The following ZNF57 variants were observed in gnomAD, a reference collection of about 807,000 sequenced individuals.
The protein encoded by ZNF57 is zinc finger protein 424.
A neutral mutation model predicts 13.4 loss-of-function variants in ZNF57; 11 were observed. The observed-to-expected ratio is 0.82, with a 90% CI of 0.52 to 1.36. The LOEUF (loss-of-function observed/expected upper bound fraction) is 1.36, where lower values mean the gene tolerates loss of function less well. Ranked by LOEUF, ZNF57 falls within the 40% of genes most tolerant of loss-of-function variation. ZNF57 has a pLI of 0.00. For synonymous variants in ZNF57, 224 were observed against 238.5 expected (o/e 0.94, Z 0.56); for missense variants, 696 against 667.5 (o/e 1.04, Z -0.47).
chr19:2,916,972 T>C lies in ZNF57; in HGVS notation c.351T>C (p.Tyr117=), dbSNP rs370699730. 48 of 1,612,176 alleles carry C rather than the reference T, an allele frequency of 3.0e-5. No individual in the cohort carries two copies. Among genetic ancestry groups the C allele is most frequent in the Non-Finnish European group, 3.7e-5 (44 of 1,179,390 alleles). ...GTACACATAATGAAGGTAATCAATA[T>C]GGAGAAGCCATCCATCAAATGCCAG... ...RFCTHNEGNQ[Y]GEAIHQMPDL... Residue 117 remains tyrosine, a synonymous_variant, in exon 4 of 4, where the codon TAT becomes TAC. Coordinates refer to ENST00000306908, the MANE Select transcript of ZNF57 (RefSeq NM_173480.3).
rs1234364677 is a variant in ZNF57 at position 2,917,516 on chromosome 19, G to T, written c.895G>T (p.Glu299Ter). Residue 299 changes from glutamate to a stop codon, truncating the protein, a stop_gained, in exon 4 of 4, where the codon GAG becomes TAG. Coordinates refer to ENST00000306908, the MANE Select transcript of ZNF57 (RefSeq NM_173480.3). LOFTEE classifies it low-confidence loss of function (END_TRUNC). Reference protein sequence around the residue: ...FTYPQAFQRHEKTHTGEKPYE... With the variant: ...FTYPQAFQRH Reference sequence around the variant, plus strand: ...TTACCCCCAGGCTTTTCAAAGACATGAGAAGACGCACACGGGAGAGAAGCC... The same window carrying T: ...TTACCCCCAGGCTTTTCAAAGACATTAGAAGACGCACACGGGAGAGAAGCC... The T allele has an allele frequency of 6.2e-7, 1 of 1,613,702 alleles. No homozygotes were observed. Among genetic ancestry groups the T allele is most frequent in the Non-Finnish European group, 8.5e-7 (1 of 1,179,798 alleles).
intron 3 of ZNF57, chr19:2,916,624 G>A (rs1209504740): frequency 3.9e-6 from 1 of 253,728 alleles, no homozygotes; most frequent in Non-Finnish European, 7.5e-6. Context: ...GCGGAGGCAG[G>A]AGAATGCTGT....
chr19:2,916,582 G>C (rs1434237002), intron 3 of ZNF57: 1 of 242,296 alleles, frequency 4.1e-6, no homozygotes, highest in African/African-American at 2.3e-5. Flanking sequence ...CGAGCGTGGT[G>C]GCAGGCACCT....
At chr19:2,905,114 A>G (rs573577604) in intron 1 of ZNF57, among the ~76,000 whole-genome samples, 1 of 151,988 alleles carries the variant, frequency 6.6e-6, no homozygotes, top group Non-Finnish European at 1.5e-5. Context: ...ACAGCTTCCC[A>G]TCCTTTTGTG....
At chr19:2,905,288 C>T (rs973782434) in intron 1 of ZNF57, among the ~76,000 whole-genome samples, 9 of 151,560 alleles carry the variant, frequency 5.9e-5, no homozygotes, top group African/African-American at 2.2e-4. Context: ...CCTCAGCCTC[C>T]CGAGTAGCTG....
chr19:2,908,121 C>G (rs925427391), intron 1 of ZNF57, among the ~76,000 whole-genome samples: 2 of 152,178 alleles, frequency 1.3e-5, no homozygotes, highest in African/African-American at 4.8e-5. Flanking sequence ...AATTTTCCAA[C>G]TATTATGAAG....
intron 1 of ZNF57, among the ~76,000 whole-genome samples, chr19:2,901,957 T>C (rs946766490): frequency 4.0e-5 from 6 of 151,868 alleles, no homozygotes; most frequent in African/African-American, 1.5e-4. Flanking sequence ...GGGGGATGTA[T>C]TGTCACAAGG....
At chr19:2,904,599 T>C (rs1224318461) in intron 1 of ZNF57, among the ~76,000 whole-genome samples, 1 of 152,166 alleles carries the variant, frequency 6.6e-6, no homozygotes, top group African/African-American at 2.4e-5. Context: ...TGGAGTGCAG[T>C]GGCACCATCT....
In ZNF57 at chr19:2,918,264, C is replaced by A. The variant is rs202150672; in HGVS notation, c.1643C>A (p.Ser548Tyr). Residue 548 changes from serine (S) to tyrosine (Y), a missense_variant, in exon 4 of 4, where the codon TCT (serine) becomes TAT (tyrosine). Around this residue, in one of 3 missense-constraint regions of ZNF57, gnomAD observed 645 missense variants for 591.5 expected, o/e 1.09. Coordinates refer to ENST00000306908, the MANE Select transcript of ZNF57 (RefSeq NM_173480.3). ...SKAFSCQVIL[S>Y]KTSESTH Reference sequence around the variant, plus strand: ...GCCTTCAGTTGCCAAGTCATTCTTTCTAAAACCAGTGAGAGCACACACTAA... The same window carrying A: ...GCCTTCAGTTGCCAAGTCATTCTTTATAAAACCAGTGAGAGCACACACTAA... 1.9e-6 allele frequency: 3 copies of A among 1,609,502 alleles called. No homozygotes were observed. The highest frequency in any genetic ancestry group is 2.5e-6 in the Non-Finnish European group (3 of 1,177,306).
chr19:2,901,733 G>C (rs893894982), intron 1 of ZNF57, among the ~76,000 whole-genome samples: 4 of 152,076 alleles, frequency 2.6e-5, no homozygotes, highest in Non-Finnish European at 4.4e-5. Context: ...TGGCCAGAAT[G>C]GTCTCGATCT....
At position 2,909,341 on chromosome 19, in the gene ZNF57, C is replaced by T. The variant is rs1169737985; in HGVS notation, c.4-6181C>T. 7.1e-5 allele frequency among the ~76,000 whole-genome samples: 5 copies of T among 69,974 alleles called. No homozygotes were observed. The South Asian group carries it at 1.7e-3, about 24-fold the overall frequency. 45.9% of individuals were successfully genotyped at this position (69,974 alleles called of 152,430 possible). A position where few individuals can be genotyped will look rare whatever the true frequency, so the allele number is the denominator to read the frequency against. On this transcript the variant is annotated intron_variant, in intron 1 of 3. Transcript: ENST00000306908. ...TGTCGCCCAGGCTGGAGTGCAGTGG[C>T]GCGATCTCGGCTCACTGCAAGCTCT...
rs374147730 is a variant in ZNF57, at chr19:2,918,223, T to A, written c.1602T>A (p.Cys534Ter). The A allele has an allele frequency of 6.8e-6, 11 of 1,613,870 alleles. No individual in the cohort carries two copies. The African/African-American group carries it at 1.3e-4, about 20-fold the overall frequency. Reference sequence around the variant, plus strand: ...ACACAGGACAGAAATCCCACGAATGTCAGTCATACTCAAAAGCCTTCAGTT... The same window carrying A: ...ACACAGGACAGAAATCCCACGAATGACAGTCATACTCAAAAGCCTTCAGTT... ...RMHTGQKSHE[C>*]QSYSKAFSCQ... Residue 534 changes from cysteine (C) to a stop codon, truncating the protein, a stop_gained, in exon 4 of 4, where the codon TGT (cysteine) becomes TGA (stop). Transcript: ENST00000306908. LOFTEE classifies it low-confidence loss of function (END_TRUNC).
intron 1 of ZNF57, chr19:2,912,148 C>T (rs1249969681): frequency 6.6e-6 from 1 of 152,198 alleles, no homozygotes; most frequent in African/African-American, 2.4e-5. Context: ...TATTCTTGAG[C>T]CTGTGCCCCG....
rs539016367 is a variant in ZNF57 at position 2,903,994 on chromosome 19, C to T, written c.3+2946C>T. Among the ~76,000 whole-genome samples the T allele has an allele frequency of 1.1e-3, 172 of 152,318 alleles. 1 individual carries two copies. Among genetic ancestry groups the T allele is most frequent in the African/African-American group, 3.7e-3 (154 of 41,572 alleles). Reference sequence around the variant, plus strand: ...CCTCCGAAAGTGCTGGGATTACAGGCGTGAGCCACCGCGCCCGGCCCATTC... The same window carrying T: ...CCTCCGAAAGTGCTGGGATTACAGGTGTGAGCCACCGCGCCCGGCCCATTC... On this transcript the variant is annotated intron_variant, in intron 1 of 3. Coordinates refer to ENST00000306908, the MANE Select transcript of ZNF57 (RefSeq NM_173480.3).
chr19:2,906,422 A>T (rs2088075833), intron 1 of ZNF57, among the ~76,000 whole-genome samples: 1 of 152,228 alleles, frequency 6.6e-6, no homozygotes, highest in Admixed American at 6.5e-5. Context: ...GGCCTGAAGG[A>T]GCTTTGGAAC....
At chr19:2,903,012 C>T (rs899762471) in intron 1 of ZNF57, among the ~76,000 whole-genome samples, 1 of 152,150 alleles carries the variant, frequency 6.6e-6, no homozygotes, top group Non-Finnish European at 1.5e-5. Context: ...GAGGGTGCAG[C>T]GGGGTCTGGC....
At chr19:2,901,218 G>C (rs1223460151) in intron 1 of ZNF57, among the ~76,000 whole-genome samples, 170 bp downstream of exon 1, 2 of 150,316 alleles carry the variant, frequency 1.3e-5, no homozygotes, top group Non-Finnish European at 3.0e-5. Context: ...CTGGAGGACT[G>C]GGGGCAGTTT....
At chr19:2,912,651 G>C (rs8107303) in intron 1 of ZNF57, among the ~76,000 whole-genome samples, 129,834 of 152,178 alleles carry the variant, frequency 0.85, 55,743 homozygotes, top group Middle Eastern at 0.91. Flanking sequence ...TTTGTTACAA[G>C]GGAATAATAA....
At chr19:2,908,204 G>A (rs1375029320) in intron 1 of ZNF57, among the ~76,000 whole-genome samples, 1 of 152,070 alleles carries the variant, frequency 6.6e-6, no homozygotes, top group Non-Finnish European at 1.5e-5. Context: ...TTCTGTTGGG[G>A]TTTTATGTGC....
Sources: allele counts gnomAD v4.1 joint callset (sites outside exome capture counted in the v4.1 genomes callset), GRCh38; gene constraint gnomAD v4.1.1; regional missense constraint gnomAD v4.1.1; transcripts MANE v1.5; gene names NCBI Gene and HGNC (gene_info 2026-07-23, HGNC 2026-07-21).